The following LRFN2 variants were observed in gnomAD, a reference collection of about 807,000 sequenced individuals.
LRFN2 encodes the protein leucine rich repeat and fibronectin type III domain containing 2, also known as leucine-rich repeat and fibronectin type-III domain-containing protein 2.
Under a neutral mutation model 37.3 loss-of-function variants are expected in LRFN2, and 18 were observed. The ratio of observed to expected loss-of-function variants is 0.48; its 90% CI spans 0.33 to 0.72. The LOEUF is 0.72. Among genes scored for constraint, LRFN2 ranks in the 30% least tolerant of loss-of-function variants. The pLI is 0.02. For missense variants in LRFN2, 1,006 were observed against 1,060.7 expected (o/e 0.95, Z 0.72); for synonymous variants, 556 against 466.6 (o/e 1.19, Z -2.47).
At position 40,543,326 on chromosome 6, in the gene LRFN2, T is replaced by C. The variant is rs148870902; in HGVS notation, c.-19+43615A>G. On this transcript the variant is annotated intron_variant, in intron 1 of 2. Coordinates refer to ENST00000338305, the MANE Select transcript of LRFN2 (RefSeq NM_020737.3). ...GAGCCCAGGACACACAGAAATTATA[T>C]GTATGCACCGTCATGTATGTGCCTG... Among the ~76,000 whole-genome samples the C allele has an allele frequency of 2.9e-3, 447 of 152,360 alleles. 2 individuals are homozygous for C. Among genetic ancestry groups the C allele is most frequent in the African/African-American group, 9.8e-3 (406 of 41,592 alleles).
chr6:40,402,381 T>C (rs758726965), intron 2 of LRFN2, among the ~76,000 whole-genome samples: 7 of 152,180 alleles, frequency 4.6e-5, no homozygotes, highest in Non-Finnish European at 8.8e-5. Context: ...TTACATTGAA[T>C]TGAATTGAGC....
At chr6:40,563,833 G>A (rs1458033525) in intron 1 of LRFN2, among the ~76,000 whole-genome samples, 1 of 152,058 alleles carries the variant, frequency 6.6e-6, no homozygotes, top group Non-Finnish European at 1.5e-5. Context: ...TTAGCACTAC[G>A]ATTACCATGG....
intron 1 of LRFN2, among the ~76,000 whole-genome samples, chr6:40,557,949 A>G (rs1231724771): frequency 6.6e-6 from 1 of 152,158 alleles, no homozygotes; most frequent in Non-Finnish European, 1.5e-5. Flanking sequence ...AAAATCCCCA[A>G]TGGTTTTGCT....
rs78344602 is a variant in LRFN2, at chr6:40,451,794, C to T, written c.-18-18663G>A. Among the ~76,000 whole-genome samples, 372 of 152,296 alleles carry T rather than the reference C, an allele frequency of 2.4e-3. 2 individuals are homozygous for T. Among genetic ancestry groups the T allele is most frequent in the African/African-American group, 8.7e-3 (360 of 41,562 alleles). ...CTATGTGATCAGGGGAGGCAAGGTGCCCCTTCTAGGAGACCCAAAGTACAA... is the reference window on the plus strand; with the variant it reads ...CTATGTGATCAGGGGAGGCAAGGTGTCCCTTCTAGGAGACCCAAAGTACAA... On this transcript the variant is annotated intron_variant, in intron 1 of 2. Transcript: ENST00000338305.
intron 2 of LRFN2, among the ~76,000 whole-genome samples, chr6:40,408,478 T>C (rs1267646065): frequency 1.3e-5 from 2 of 152,142 alleles, no homozygotes; most frequent in African/African-American, 4.8e-5. Context: ...CTGATGCTAT[T>C]CTACATGTGC....
chr6:40,470,592 G>A (rs1201718548), intron 1 of LRFN2, among the ~76,000 whole-genome samples: 2 of 149,248 alleles, frequency 1.3e-5, no homozygotes, highest in Admixed American at 6.6e-5. Flanking sequence ...CCTGGTGACA[G>A]AGCAAGACTC....
At position 40,433,001 on chromosome 6, in the gene LRFN2, C is replaced by T; in HGVS notation, c.113G>A (p.Cys38Tyr). 6.2e-7 allele frequency: 1 copy of T among 1,609,708 alleles called. No individual in the cohort carries two copies. Among genetic ancestry groups the T allele is most frequent in the Non-Finnish European group, 8.5e-7 (1 of 1,177,508 alleles). The change falls in exon 2 of 3, where the codon TGC (cysteine) becomes TAC (tyrosine). Residue 38 changes from cysteine (C) to tyrosine (Y), a missense_variant. This residue lies in a region of LRFN2 where 185 missense variants were observed against 254.9 expected (regional missense o/e 0.73). Coordinates refer to ENST00000338305, the MANE Select transcript of LRFN2 (RefSeq NM_020737.3). Reference protein sequence around the residue: ...QNLSESLGTLCPSKGLLFVPP... With the variant: ...QNLSESLGTLYPSKGLLFVPP... ...TACAAAGAGCAGCCCCTTGGAGGGG[C>T]ACAGGGTCCCCAGTGACTCAGACAG...
At chr6:40,428,528 T>C (rs984715962) in intron 2 of LRFN2, among the ~76,000 whole-genome samples, 3 of 152,168 alleles carry the variant, frequency 2.0e-5, no homozygotes, top group African/African-American at 7.2e-5. Flanking sequence ...TATTAGAGTC[T>C]CCTATTTCTC....
intron 1 of LRFN2, among the ~76,000 whole-genome samples, chr6:40,492,092 G>A (rs1264175026): frequency 2.0e-5 from 3 of 152,210 alleles, no homozygotes; most frequent in Non-Finnish European, 4.4e-5. Flanking sequence ...CTCTGAGTGT[G>A]TTTCCCTCTC....
chr6:40,507,238 A>G (rs1765569122), intron 1 of LRFN2, among the ~76,000 whole-genome samples: 2 of 152,146 alleles, frequency 1.3e-5, no homozygotes, highest in African/African-American at 4.8e-5. Context: ...GACACGTCAA[A>G]CTAGTCTCAG....
chr6:40,526,767 T>C (rs1052808244), intron 1 of LRFN2, among the ~76,000 whole-genome samples: 6 of 152,090 alleles, frequency 3.9e-5, no homozygotes, highest in Non-Finnish European at 7.4e-5. Flanking sequence ...ACCACCTCAT[T>C]AACCCAAGCC....
intron 1 of LRFN2, among the ~76,000 whole-genome samples, chr6:40,561,752 A>G (rs1766999589): frequency 6.6e-6 from 1 of 152,166 alleles, no homozygotes; most frequent in Non-Finnish European, 1.5e-5. Flanking sequence ...ATCCACACCT[A>G]TCCCTGGTGG....
chr6:40,460,628 T>C (rs1455057018), intron 1 of LRFN2, among the ~76,000 whole-genome samples: 1 of 152,178 alleles, frequency 6.6e-6, no homozygotes, highest in East Asian at 1.9e-4. Context: ...GCAAGAGCAT[T>C]ACCATAGGAG....
intron 1 of LRFN2, among the ~76,000 whole-genome samples, chr6:40,515,900 A>G (rs1016311417): frequency 1.3e-5 from 2 of 151,444 alleles, no homozygotes; most frequent in Non-Finnish European, 3.0e-5. Context: ...ATCAAAAAAA[A>G]AAAAAAAAAA....
rs151160805 is a variant in LRFN2 at position 40,420,849 on chromosome 6, G to T, written c.1400+10865C>A. ...ATACAAGTAGTTTATTTGGGAGGTG[G>T]GCTCAGGAAACTGTGGTAAGGAAGT... On this transcript the variant is annotated intron_variant, in intron 2 of 2. Transcript: ENST00000338305. 4.5e-3 allele frequency among the ~76,000 whole-genome samples: 683 copies of T among 152,326 alleles called. 3 individuals carry two copies. The highest frequency in any genetic ancestry group is 6.5e-3 in the Non-Finnish European group (439 of 68,034).
intron 1 of LRFN2, among the ~76,000 whole-genome samples, chr6:40,514,383 C>G (rs982778461): frequency 3.9e-5 from 6 of 152,190 alleles, no homozygotes; most frequent in Non-Finnish European, 8.8e-5. Context: ...AGTGCAATCT[C>G]AGCTCTCCGC....
intron 1 of LRFN2, among the ~76,000 whole-genome samples, chr6:40,561,335 T>C (rs1766990656): frequency 6.6e-6 from 1 of 152,118 alleles, no homozygotes; most frequent in African/African-American, 2.4e-5. Flanking sequence ...CCAAGGACCT[T>C]TTGCAGTGAC....
chr6:40,486,949 G>A (rs1554138786), intron 1 of LRFN2, among the ~76,000 whole-genome samples: 1 of 152,180 alleles, frequency 6.6e-6, no homozygotes, highest in Non-Finnish European at 1.5e-5. Context: ...TGGCTACTAG[G>A]TGTTCACAGG....
intron 1 of LRFN2, among the ~76,000 whole-genome samples, chr6:40,455,175 C>T (rs868125614): frequency 6.6e-5 from 10 of 152,218 alleles, no homozygotes; most frequent in African/African-American, 2.2e-4. Context: ...CTCATGGTTT[C>T]TGCCTTGGAG....
Sources: allele counts gnomAD v4.1 joint callset (sites outside exome capture counted in the v4.1 genomes callset), GRCh38; gene constraint gnomAD v4.1.1; regional missense constraint gnomAD v4.1.1; transcripts MANE v1.5; gene names NCBI Gene and HGNC (gene_info 2026-07-23, HGNC 2026-07-21).